Variants in TM9SF2 observed in about 807,000 individuals in gnomAD.
TM9SF2 encodes the protein 76 kDa membrane protein.
TM9SF2 carries 13 observed loss-of-function variants against 84.9 expected under a neutral mutation model. The observed-to-expected ratio is 0.15, with a 90% CI of 0.10 to 0.24. The LOEUF (loss-of-function observed/expected upper bound fraction) is 0.24. Ranked by LOEUF, TM9SF2 falls within the 10% of genes least tolerant of loss-of-function variation. TM9SF2 has a pLI of 1.00. For synonymous variants in TM9SF2, 273 were observed against 285.8 expected (o/e 0.96, Z 0.45); for missense variants, 562 against 818.5 (o/e 0.69, Z 3.82).
chr13:99,558,448 A>G (rs1394079712), intron 15 of TM9SF2, among the ~76,000 whole-genome samples: 1 of 152,206 alleles, frequency 6.6e-6, no homozygotes, highest in African/African-American at 2.4e-5. Context: ...GTTAAGTCTA[A>G]TAGTACGTAA....
chr13:99,541,479 C>T, intron 8 of TM9SF2, 80 bp from the exon 9 acceptor site: 2 of 975,256 alleles, frequency 2.1e-6, no homozygotes, highest in Non-Finnish European at 1.6e-6. Context: ...TTTAATGTTA[C>T]TCAATAAACA....
chr13:99,532,560 G>A (rs1432121986), intron 4 of TM9SF2, among the ~76,000 whole-genome samples: 1 of 151,988 alleles, frequency 6.6e-6, no homozygotes, highest in African/African-American at 2.4e-5. Context: ...TGTGGTGGCA[G>A]GCGCCTGTAA....
intron 3 of TM9SF2, among the ~76,000 whole-genome samples, chr13:99,523,733 A>G (rs1428301077): frequency 2.0e-5 from 3 of 152,176 alleles, no homozygotes; most frequent in Non-Finnish European, 4.4e-5. Context: ...CAAAACAAAA[A>G]TCTCTGTCCT....
chr13:99,541,572 C>T lies in TM9SF2; in HGVS notation c.922C>T (p.Leu308=). 6.2e-7 allele frequency: 1 copy of T among 1,611,780 alleles called. No individual in the cohort carries two copies. Among genetic ancestry groups the T allele is most frequent in the Admixed American group, 1.7e-5 (1 of 59,842 alleles). ...HIQWFSIMNS[L]VIVLFLSGMV... ...TTATTTCTACAGCATTATGAATTCC[C>T]TGGTCATTGTTCTCTTCTTATCTGG... Residue 308 remains leucine (L), a synonymous_variant, in exon 9 of 17, where the codon CTG becomes TTG. Transcript: ENST00000376387.
intron 1 of TM9SF2, among the ~76,000 whole-genome samples, chr13:99,514,031 A>C (rs2046124234): frequency 6.6e-6 from 1 of 152,228 alleles, no homozygotes; most frequent in Non-Finnish European, 1.5e-5. Flanking sequence ...GAAAAATGTT[A>C]AATAGATGAA....
rs1311954976 is a variant in TM9SF2, at chr13:99,508,443, A to ACACACACACACACACC, written c.171+6667_171+6668insACACACACACACACCC. Among the ~76,000 whole-genome samples the ACACACACACACACACC allele has an allele frequency of 8.9e-4, 132 of 147,548 alleles. 1 individual carries two copies. Among genetic ancestry groups the ACACACACACACACACC allele is most frequent in the Middle Eastern group, 6.9e-3 (2 of 288 alleles). On this transcript the variant is annotated intron_variant, in intron 1 of 16. Transcript: ENST00000376387. Reference sequence around the variant, plus strand: ...CACACACACACACACACACACACACACCCCAGAGATTCAGTAGCTACTCCA... The same window carrying ACACACACACACACACC: ...CACACACACACACACACACACACACACACACACACACACACCCCCCAGAGATTCAGTAGCTACTCCA...
At chr13:99,545,117 T>C (rs1004480637) in intron 10 of TM9SF2, among the ~76,000 whole-genome samples, 5 of 152,240 alleles carry the variant, frequency 3.3e-5, no homozygotes, top group African/African-American at 1.2e-4. Context: ...TAACCTTTAA[T>C]AATTTTTTAG....
intron 15 of TM9SF2, among the ~76,000 whole-genome samples, 157 bp from the exon 16 acceptor site, chr13:99,559,206 G>A (rs2046335309): frequency 6.6e-6 from 1 of 152,198 alleles, no homozygotes; most frequent in African/African-American, 2.4e-5. Context: ...TGAGGAGAGT[G>A]GAATGGGTGA....
At chr13:99,504,379 A>C (rs1163808849) in intron 1 of TM9SF2, among the ~76,000 whole-genome samples, 1 of 152,248 alleles carries the variant, frequency 6.6e-6, no homozygotes, top group East Asian at 1.9e-4. Flanking sequence ...TTCCATCTGT[A>C]AAATAGGGAT....
intron 10 of TM9SF2, among the ~76,000 whole-genome samples, chr13:99,545,357 A>T (rs1459153036): frequency 6.6e-6 from 1 of 152,066 alleles, no homozygotes; most frequent in Non-Finnish European, 1.5e-5. Context: ...ATCTACTAAC[A>T]ACTTAAGGAG....
intron 3 of TM9SF2, among the ~76,000 whole-genome samples, chr13:99,526,632 A>G (rs2046184877): frequency 6.6e-6 from 1 of 152,168 alleles, no homozygotes; most frequent in African/African-American, 2.4e-5. Flanking sequence ...TGTCATTGAT[A>G]AAGGCAGGGT....
At chr13:99,531,643 T>TG (rs1200364023) in intron 4 of TM9SF2, among the ~76,000 whole-genome samples, 1 of 152,130 alleles carries the variant, frequency 6.6e-6, no homozygotes, top group Non-Finnish European at 1.5e-5. Flanking sequence ...TGTAGGCTAG[T>TG]GGGGCTCTGT....
At position 99,508,404 on chromosome 13, in the gene TM9SF2, A is replaced by AACACACACACACACACACACAC. The variant is rs61561266; in HGVS notation, c.171+6646_171+6667dup. On this transcript the variant is annotated intron_variant, in intron 1 of 16. Coordinates refer to ENST00000376387, the MANE Select transcript of TM9SF2 (RefSeq NM_004800.3). ...AGAGTGGGAAAAAAAAGGCAAACAA[A>AACACACACACACACACACACAC]ACACACACACACACACACACACACA... is the stretch of plus-strand genomic sequence containing the variant. Among the ~76,000 whole-genome samples, 90 of 134,496 alleles carry AACACACACACACACACACACAC rather than the reference A, an allele frequency of 6.7e-4. 1 individual carries two copies. The highest frequency in any genetic ancestry group is 1.8e-3 in the African/African-American group (63 of 34,450). The allele number at this position is 134,496 out of a possible 152,430, so 88.2% of individuals were successfully genotyped here. A position where few individuals can be genotyped will look rare whatever the true frequency, so the allele number is the denominator to read the frequency against.
intron 9 of TM9SF2, 59 bp downstream of exon 9, chr13:99,541,726 A>C: frequency 8.9e-7 from 1 of 1,120,820 alleles, no homozygotes; most frequent in East Asian, 2.7e-5. Flanking sequence ...GTTATTTTGC[A>C]AAAAGGTAAA....
chr13:99,518,763 ATTTTTTTTT>A (rs34847688), intron 2 of TM9SF2, among the ~76,000 whole-genome samples: 1 of 128,636 alleles, frequency 7.8e-6, no homozygotes, highest in Non-Finnish European at 1.6e-5. Context: ...TGCCCAGCTA[ATTTTTTTTT>A]TTTTTTTTTT....
chr13:99,514,152 C>T (rs1032808284), intron 1 of TM9SF2: 2 of 152,148 alleles, frequency 1.3e-5, no homozygotes, highest in Non-Finnish European at 2.9e-5. Context: ...GACATCATAG[C>T]CATTGTAACA....
intron 16 of TM9SF2, among the ~76,000 whole-genome samples, chr13:99,560,041 G>A (rs561536334): frequency 5.9e-5 from 9 of 152,000 alleles, no homozygotes; most frequent in African/African-American, 2.2e-4. Context: ...TATTTTATTG[G>A]TATTTATTTT....
intron 5 of TM9SF2, 133 bp downstream of exon 5, chr13:99,536,870 A>C (rs1240478957): frequency 4.3e-6 from 4 of 936,972 alleles, no homozygotes; most frequent in Non-Finnish European, 6.2e-6. Flanking sequence ...CAACTACTTC[A>C]ATCTTAAACT....
intron 10 of TM9SF2, among the ~76,000 whole-genome samples, chr13:99,546,724 C>G (rs1298723584): frequency 6.6e-6 from 1 of 152,108 alleles, no homozygotes; most frequent in Admixed American, 6.6e-5. Flanking sequence ...GTCAGCCTCC[C>G]CTGATCACAG....
Sources: allele counts gnomAD v4.1 joint callset (sites outside exome capture counted in the v4.1 genomes callset), GRCh38; gene constraint gnomAD v4.1.1; transcripts MANE v1.5; gene names NCBI Gene and HGNC (gene_info 2026-07-23, HGNC 2026-07-21).